SLC12A6: variants seen among roughly 807,000 people sequenced by gnomAD.
SLC12A6 encodes the protein K-Cl cotransporter 3.
Under a neutral mutation model 135.3 loss-of-function variants are expected in SLC12A6, and 66 were observed. That is an observed-to-expected ratio of 0.49 (90% CI 0.40 to 0.60). The LOEUF (loss-of-function observed/expected upper bound fraction) is 0.60. Ranked by LOEUF, SLC12A6 falls within the 20% of genes least tolerant of loss-of-function variation. SLC12A6 has a pLI of 0.00. For synonymous variants in SLC12A6, 513 were observed against 508.8 expected (o/e 1.01, Z -0.11); for missense variants, 1,058 against 1,452.3 (o/e 0.73, Z 4.41).
intron 2 of SLC12A6, among the ~76,000 whole-genome samples, chr15:34,330,689 CA>C (rs11378922): frequency 6.7e-6 from 1 of 148,796 alleles, no homozygotes; most frequent in Non-Finnish European, 1.5e-5. Flanking sequence ...AAAACAAAAA[CA>C]AAAAAAACAA....
intron 2 of SLC12A6, among the ~76,000 whole-genome samples, chr15:34,286,187 A>C (rs8041425): frequency 0.38 from 58,204 of 151,264 alleles, 14,229 homozygotes; most frequent in African/African-American, 0.71. Flanking sequence ...AATTCTCCTG[A>C]CTCAGCCTCC....
intron 2 of SLC12A6, among the ~76,000 whole-genome samples, chr15:34,288,788 CTG>C (rs1895304821): frequency 6.6e-6 from 1 of 152,138 alleles, no homozygotes. Context: ...CTCTGTTTGT[CTG>C]TTACTGGTGT....
rs1321685889 is a variant in SLC12A6, at chr15:34,308,562, T to C, written c.271+27848A>G. ...ATTGCCTGAACCTGGGAGGCGGAGG[T>C]TGCAGTGAGCCGAGACCACTCCACT... On this transcript the variant is annotated intron_variant, in intron 2 of 25. Transcript: ENST00000354181. Among the ~76,000 whole-genome samples the C allele has an allele frequency of 1.6e-4, 23 of 145,602 alleles. 2 individuals are homozygous for C. In the East Asian group the frequency reaches 4.4e-3, roughly 28 times the overall value.
rs1440443523 is a variant in SLC12A6, at chr15:34,336,825, A to AC, written c.-72-74dup. 1.9e-5 allele frequency: 13 copies of AC among 697,570 alleles called. No homozygotes were observed. The African/African-American group carries it at 2.3e-4, about 12-fold the overall frequency. The allele number at this position is 697,570 out of a possible 1,614,324, so 43.2% of individuals were successfully genotyped here. A position where few individuals can be genotyped will look rare whatever the true frequency, so the allele number is the denominator to read the frequency against. On this transcript the variant is annotated intron_variant, in intron 1 of 25. Coordinates refer to ENST00000354181, the MANE Select transcript of SLC12A6 (RefSeq NM_001365088.1). ...GATTCACACCACACAAAAAGCCCCAACTAAGAATACTTCTACTCAGAATTC... is the reference window on the plus strand; with the variant it reads ...GATTCACACCACACAAAAAGCCCCAACCTAAGAATACTTCTACTCAGAATTC...
At chr15:34,305,734 T>C (rs1454250560) in intron 2 of SLC12A6, among the ~76,000 whole-genome samples, 6 of 151,956 alleles carry the variant, frequency 3.9e-5, no homozygotes, top group Admixed American at 3.3e-4. Flanking sequence ...ATTATTTTCA[T>C]GTTCAAGTTT....
intron 9 of SLC12A6, among the ~76,000 whole-genome samples, chr15:34,253,798 G>A (rs1892554431): frequency 6.6e-6 from 1 of 152,158 alleles, no homozygotes; most frequent in East Asian, 1.9e-4. Context: ...TCACAGATGT[G>A]CACAAATCCA....
Position 34,257,651 on chromosome 15 carries a change from GC to G in SLC12A6, c.680del (p.Cys227SerfsTer7), listed in dbSNP as rs1274644017. On this transcript the variant is annotated frameshift_variant, in exon 6 of 26. Transcript: ENST00000354181. LOFTEE classifies it high-confidence loss of function. ...CCAGTGCAGTACTTACACAGCAGCA[GC>G]AGATAAGGACAATTGCAAAAGCCTG... ...VLQAFAIVLI[C>X]CCCTMLTAIS... The G allele has an allele frequency of 6.2e-7, 1 of 1,613,448 alleles. No individual in the cohort carries two copies. Among genetic ancestry groups the G allele is most frequent in the East Asian group, 2.2e-5 (1 of 44,880 alleles).
intron 2 of SLC12A6, among the ~76,000 whole-genome samples, chr15:34,314,481 G>A (rs1249569743): frequency 6.6e-6 from 1 of 152,104 alleles, no homozygotes; most frequent in Non-Finnish European, 1.5e-5. Context: ...AGAGATCAAT[G>A]TTGTTTTCAT....
chr15:34,252,384 C>G lies in SLC12A6; in HGVS notation c.1119G>C (p.Pro373=). ...GGGTGCGGTTACCCAGCATGCAGAC[C>G]CTAAGTGAAAAGAAATAGGGAGAAA... is the stretch of plus-strand genomic sequence containing the variant. ...IKSSFAPPHF[P]VCMLGNRTLS... is the part of the protein sequence containing the mutation. The change falls in exon 10 of 26, where the codon CCG becomes CCC. Residue 373 remains proline (P), a splice_region_variant and synonymous_variant. Coordinates refer to ENST00000354181, the MANE Select transcript of SLC12A6 (RefSeq NM_001365088.1). The G allele has an allele frequency of 6.3e-7, 1 of 1,585,384 alleles. No individual in the cohort carries two copies. The highest frequency in any genetic ancestry group is 8.7e-7 in the Non-Finnish European group (1 of 1,154,894).
At chr15:34,235,430 G>GGT in intron 24 of SLC12A6, 116 bp from the exon 25 acceptor site, 1 of 539,794 alleles carries the variant, frequency 1.9e-6, no homozygotes, top group Non-Finnish European at 3.1e-6. Flanking sequence ...CTGATAAAAT[G>GGT]ATTTTTTTTT....
chr15:34,330,718 T>C (rs1390974458), intron 2 of SLC12A6, among the ~76,000 whole-genome samples: 1 of 152,086 alleles, frequency 6.6e-6, no homozygotes, highest in Non-Finnish European at 1.5e-5. Context: ...AAGAGGATGC[T>C]TCTTTCAGAC....
intron 2 of SLC12A6, among the ~76,000 whole-genome samples, chr15:34,333,218 T>C (rs1889971695): frequency 6.6e-6 from 1 of 151,080 alleles, no homozygotes; most frequent in South Asian, 2.1e-4. Context: ...TCCACTCTAT[T>C]TTTTTTTCTT....
At chr15:34,260,002 T>C (rs1375256695) in intron 4 of SLC12A6, among the ~76,000 whole-genome samples, 1 of 152,150 alleles carries the variant, frequency 6.6e-6, no homozygotes, top group Admixed American at 6.5e-5. Context: ...GAAATAAGTT[T>C]TTGAGATCTA....
chr15:34,235,145 T>G, intron 25 of SLC12A6, 36 bp downstream of exon 25: 1 of 1,597,986 alleles, frequency 6.3e-7, no homozygotes, highest in Non-Finnish European at 8.6e-7. Flanking sequence ...TTAAGGAGAT[T>G]TTCCCTACTG....
At position 34,260,690 on chromosome 15, in the gene SLC12A6, T is replaced by C. The variant is rs76407713; in HGVS notation, c.411+236A>G. 0.015 allele frequency among the ~76,000 whole-genome samples: 2,344 copies of C among 152,312 alleles called. 67 individuals are homozygous for C. The highest frequency in any genetic ancestry group is 0.054 in the African/African-American group (2,237 of 41,570). On this transcript the variant is annotated intron_variant, in intron 4 of 25. Coordinates refer to ENST00000354181, the MANE Select transcript of SLC12A6 (RefSeq NM_001365088.1). ...ACAGCTGAATTAGATTGCAAGGTAA[T>C]CTATATGTCCAAGAAGTCAAACTCC...
chr15:34,250,342 A>G lies in SLC12A6; in HGVS notation c.1605T>C (p.Val535=). 6.3e-7 allele frequency: 1 copy of G among 1,591,780 alleles called. No homozygotes were observed. The highest frequency in any genetic ancestry group is 8.6e-7 in the Non-Finnish European group (1 of 1,159,524). ...LTTSFVYLSN[V]VLFGACIEGV... ...CTTCAATACATGCACCAAAAAGGAC[A>G]ACATTGCTTAAATCTACCATATTGA... The change falls in exon 13 of 26, where the codon GTT becomes GTC. Residue 535 remains valine, a synonymous_variant. Coordinates refer to ENST00000354181, the MANE Select transcript of SLC12A6 (RefSeq NM_001365088.1).
At chr15:34,304,749 T>G (rs1281359542) in intron 2 of SLC12A6, among the ~76,000 whole-genome samples, 2 of 152,242 alleles carry the variant, frequency 1.3e-5, no homozygotes, top group African/African-American at 4.8e-5. Flanking sequence ...TGCCCTGACT[T>G]ACTTATCACA....
chr15:34,299,745 C>T (rs1271104628), intron 2 of SLC12A6: 2 of 152,060 alleles, frequency 1.3e-5, no homozygotes, highest in South Asian at 2.1e-4. Flanking sequence ...GCAGTATGTA[C>T]AAAAGAGTAA....
In SLC12A6 at chr15:34,336,391, G is replaced by C. The variant is rs180871525; in HGVS notation, c.271+19C>G. On this transcript the variant is annotated intron_variant, in intron 2 of 25. Transcript: ENST00000354181. ...GAACCCAGTAATGAAAGTATGCTGCGGTCTGTGTTTCTACTTACCCTCGAT... is the reference window on the plus strand; with the variant it reads ...GAACCCAGTAATGAAAGTATGCTGCCGTCTGTGTTTCTACTTACCCTCGAT... 1.3e-6 allele frequency: 2 copies of C among 1,599,074 alleles called. No individual in the cohort carries two copies. Among genetic ancestry groups the C allele is most frequent in the East Asian group, 2.2e-5 (1 of 44,814 alleles).
Sources: allele counts gnomAD v4.1 joint callset (sites outside exome capture counted in the v4.1 genomes callset), GRCh38; gene constraint gnomAD v4.1.1; transcripts MANE v1.5; gene names NCBI Gene and HGNC (gene_info 2026-07-23, HGNC 2026-07-21).